Variants in C2orf80 observed in about 807,000 individuals in gnomAD.
C2orf80 encodes chromosome 2 open reading frame 80.
A neutral mutation model predicts 30.2 loss-of-function variants in C2orf80; 28 were observed. The ratio of observed to expected loss-of-function variants is 0.93; its 90% CI spans 0.69 to 1.27. The LOEUF is 1.27. Among genes scored for constraint, C2orf80 ranks in the 50% most tolerant of loss-of-function variants. The pLI is 0.00. For synonymous variants in C2orf80, 80 were observed against 76.4 expected, an observed-to-expected ratio of 1.05 and a Z score of -0.24; for missense variants, 220 against 231.0, an observed-to-expected ratio of 0.95 and a Z score of 0.31.
chr2:208,177,702 G>A (rs1696406745), intron 6 of C2orf80, among the ~76,000 whole-genome samples: 1 of 152,176 alleles, frequency 6.6e-6, no homozygotes, highest in African/African-American at 2.4e-5. Context: ...CAGAGAAGGT[G>A]CTGAACAAAG....
At chr2:208,188,382 G>A (rs1696781283) in intron 1 of C2orf80, among the ~76,000 whole-genome samples, 1 of 151,914 alleles carries the variant, frequency 6.6e-6, no homozygotes, top group African/African-American at 2.4e-5. Context: ...CCAACAGTAA[G>A]CAGAGAGCCA....
At chr2:208,180,320 G>C (rs1045322746) in intron 6 of C2orf80, among the ~76,000 whole-genome samples, 2 of 151,898 alleles carry the variant, frequency 1.3e-5, no homozygotes, top group African/African-American at 4.8e-5. Flanking sequence ...GTGTGGTGGT[G>C]CATGCCTGTA....
intron 6 of C2orf80, among the ~76,000 whole-genome samples, chr2:208,177,944 G>A (rs1327219145): frequency 6.6e-6 from 1 of 151,790 alleles, no homozygotes; most frequent in Non-Finnish European, 1.5e-5. Context: ...AGCCTCCCAA[G>A]TAGCTGAGAT....
At chr2:208,167,694 A>G (rs1695944629) in intron 8 of C2orf80, among the ~76,000 whole-genome samples, 2 of 151,810 alleles carry the variant, frequency 1.3e-5, no homozygotes, top group Non-Finnish European at 1.5e-5. Context: ...CTCATGCCTC[A>G]GTCTCCCTAG....
In C2orf80 at chr2:208,186,982, T is replaced by C. The variant is rs1262052779; in HGVS notation, c.5A>G (p.Glu2Gly). M[E>G]RRLIKKEMKK... Reference sequence around the variant, plus strand: ...CATTTCCTTCTTTATGAGCCTTCTTTCCATGTTAAAGGCTTAGCCAGCTGA... The same window carrying C: ...CATTTCCTTCTTTATGAGCCTTCTTCCCATGTTAAAGGCTTAGCCAGCTGA... The change falls in exon 2 of 9, where the codon GAA (glutamate) becomes GGA (glycine). Residue 2 changes from glutamate to glycine, a missense_variant. Coordinates refer to ENST00000341287, the MANE Select transcript of C2orf80 (RefSeq NM_001099334.3). 1 of 1,614,054 alleles carries C rather than the reference T, an allele frequency of 6.2e-7. No individual in the cohort carries two copies. Among genetic ancestry groups the C allele is most frequent in the Non-Finnish European group, 8.5e-7 (1 of 1,179,900 alleles).
At chr2:208,182,694 C>T (rs2105910585) in intron 4 of C2orf80, among the ~76,000 whole-genome samples, 1 of 152,354 alleles carries the variant, frequency 6.6e-6, no homozygotes, top group East Asian at 1.9e-4. Flanking sequence ...AGCCACCGCG[C>T]CCGGCCCCTT....
At chr2:208,187,559 C>A (rs1696753919) in intron 1 of C2orf80, among the ~76,000 whole-genome samples, 1 of 152,084 alleles carries the variant, frequency 6.6e-6, no homozygotes, top group Admixed American at 6.5e-5. Context: ...TCAATTCCCA[C>A]CCCCACATTG....
intron 6 of C2orf80, among the ~76,000 whole-genome samples, chr2:208,177,138 C>CATATATATTATGTATACATAT (rs1696380423): frequency 6.9e-6 from 1 of 145,776 alleles, no homozygotes; most frequent in South Asian, 2.1e-4. Context: ...TATATACATA[C>CATATATATTATGTATACATAT]ATATATATTA....
intron 6 of C2orf80, among the ~76,000 whole-genome samples, chr2:208,180,386 A>G (rs10169689): frequency 0.42 from 63,425 of 151,260 alleles, 14,577 homozygotes; most frequent in East Asian, 0.88. Flanking sequence ...AGGAGGCAGA[A>G]GTGCAGTGAG....
intron 6 of C2orf80, among the ~76,000 whole-genome samples, chr2:208,178,669 T>C (rs1696445421): frequency 6.6e-6 from 1 of 152,044 alleles, no homozygotes. Context: ...ATCCCAGCAT[T>C]AGGGGAGGCC....
chr2:208,171,424 G>A (rs1422114197), intron 7 of C2orf80, among the ~76,000 whole-genome samples: 4 of 151,690 alleles, frequency 2.6e-5, no homozygotes, highest in African/African-American at 7.2e-5. Flanking sequence ...AGATTCAAGC[G>A]ATTATCTCGC....
At chr2:208,175,687 G>A (rs1026544553) in intron 6 of C2orf80, among the ~76,000 whole-genome samples, 5 of 151,976 alleles carry the variant, frequency 3.3e-5, no homozygotes, top group African/African-American at 1.2e-4. Flanking sequence ...TTTATCGGAA[G>A]GAATCATTCA....
chr2:208,189,875 T>G, intron 1 of C2orf80, 78 bp downstream of exon 1: 1 of 698,606 alleles, frequency 1.4e-6, no homozygotes, highest in Non-Finnish European at 2.6e-6. Flanking sequence ...GCTGCACACC[T>G]GCAATCGTGG....
chr2:208,183,056 A>G lies in C2orf80; in HGVS notation c.124-9T>C, dbSNP rs1223653539. 6.2e-7 allele frequency: 1 copy of G among 1,612,836 alleles called. No individual in the cohort carries two copies. The highest frequency in any genetic ancestry group is 8.5e-7 in the Non-Finnish European group (1 of 1,178,868). The stretch of plus-strand genomic sequence containing the variant: ...GCCAAGTCATAGTGTGCCTGGGAGC[A>G]GGAAGCACAGAGAGCAAAGAAACAG... On this transcript the variant is annotated splice_polypyrimidine_tract_variant and intron_variant, in intron 3 of 8. Coordinates refer to ENST00000341287, the MANE Select transcript of C2orf80 (RefSeq NM_001099334.3).
At chr2:208,182,490 C>G (rs962688191) in intron 4 of C2orf80, among the ~76,000 whole-genome samples, 1 of 152,218 alleles carries the variant, frequency 6.6e-6, no homozygotes, top group Non-Finnish European at 1.5e-5. Flanking sequence ...ACTGCAACCT[C>G]TGCCTCCTGG....
intron 3 of C2orf80, 99 bp from the exon 4 acceptor site, chr2:208,183,146 T>G (rs551250878): frequency 1.1e-6 from 1 of 874,408 alleles, no homozygotes; most frequent in African/African-American, 1.7e-5. Flanking sequence ...CCTATTCTAG[T>G]CTGTCATGTC....
chr2:208,180,398 C>T (rs753423647), intron 6 of C2orf80, among the ~76,000 whole-genome samples: 30 of 151,282 alleles, frequency 2.0e-4, no homozygotes, highest in East Asian at 1.4e-3. Context: ...TGCAGTGAGC[C>T]GAGATCGCAC....
At position 208,184,931 on chromosome 2, in the gene C2orf80, A is replaced by G; in HGVS notation, c.123+20T>C. On this transcript the variant is annotated intron_variant, in intron 3 of 8. Coordinates refer to ENST00000341287, the MANE Select transcript of C2orf80 (RefSeq NM_001099334.3). ...CACATATAACACAAATATGACTCGC[A>G]TCAGCGTGCCTTTCTTTACCATATC... The G allele has an allele frequency of 6.3e-7, 1 of 1,594,484 alleles. No individual in the cohort carries two copies. Among genetic ancestry groups the G allele is most frequent in the Non-Finnish European group, 8.6e-7 (1 of 1,162,750 alleles).
At chr2:208,174,848 G>T (rs1696230101) in intron 6 of C2orf80, among the ~76,000 whole-genome samples, 1 of 152,326 alleles carries the variant, frequency 6.6e-6, no homozygotes, top group East Asian at 1.9e-4. Context: ...ACCTGCCTTT[G>T]TCTCTTTCCT....
Sources: gnomAD v4.1 joint callset for allele counts (sites outside exome capture counted in the v4.1 genomes callset) on GRCh38, gnomAD v4.1.1 for gene constraint, MANE v1.5 for transcripts, NCBI Gene and HGNC (gene_info 2026-07-23, HGNC 2026-07-21) for gene names.